The following STK32C variants were observed in gnomAD, a reference collection of about 807,000 sequenced individuals.
STK32C encodes serine/threonine-protein kinase 32C.
Under a neutral mutation model 56.5 loss-of-function variants are expected in STK32C, and 31 were observed. The ratio of observed to expected loss-of-function variants is 0.55; its 90% CI spans 0.41 to 0.74. The LOEUF is 0.74. STK32C is among the 30% of genes least tolerant of loss of function. STK32C has a pLI of 0.00. For synonymous variants in STK32C, 309 were observed against 289.4 expected, an observed-to-expected ratio of 1.07 and a Z score of -0.69; for missense variants, 544 against 676.9, an observed-to-expected ratio of 0.80 and a Z score of 2.18.
At position 132,255,426 on chromosome 10, in the gene STK32C, C is replaced by T. The variant is rs2064080561; in HGVS notation, c.263-9471G>A. Among the ~76,000 whole-genome samples, 1 of 152,186 alleles carries T rather than the reference C, an allele frequency of 6.6e-6. No homozygotes were observed. Among genetic ancestry groups the T allele is most frequent in the African/African-American group, 2.4e-5 (1 of 41,442 alleles). ...AGACATCACCTCACAGACCCCTCAC[C>T]CTCTTGCCATGGCCTGCGGGAACAA... On this transcript the variant is annotated intron_variant, in intron 1 of 11. Coordinates refer to ENST00000298630, the MANE Select transcript of STK32C (RefSeq NM_173575.4). This position sits in a 1 kb window ranked among gnomAD's most constrained non-coding sequence, Gnocchi z 4.6.
In STK32C at chr10:132,222,569, G is replaced by A. The variant is rs2814196; in HGVS notation, c.1251+72C>T. The A allele has an allele frequency of 0.79, 1,242,546 of 1,567,360 alleles. 494,056 individuals carry two copies. The highest frequency in any genetic ancestry group is 0.87 in the Admixed American group (47,512 of 54,418). On this transcript the variant is annotated intron_variant, in intron 10 of 11. Transcript: ENST00000298630. ...TGTGCGCTGCCAGGGGTCCCCACACGCCTTGCTCGGTGGTAGAGAGGAGCC... is the reference window on the plus strand; with the variant it reads ...TGTGCGCTGCCAGGGGTCCCCACACACCTTGCTCGGTGGTAGAGAGGAGCC...
chr10:132,252,459 T>C (rs1240023842), intron 1 of STK32C, among the ~76,000 whole-genome samples: 1 of 152,272 alleles, frequency 6.6e-6, no homozygotes, highest in Non-Finnish European at 1.5e-5. Flanking sequence ...CGCCGTGCAG[T>C]GATGCTGTCA....
At chr10:132,238,781 GCA>G (rs567541137) in intron 2 of STK32C, among the ~76,000 whole-genome samples, 1,596 of 151,894 alleles carry the variant, frequency 0.011, 31 homozygotes, top group African/African-American at 0.036. Flanking sequence ...TGCAATGCAT[GCA>G]CACACACACA....
At chr10:132,320,969 A>C (rs2066395853), downstream of STK32C, among the ~76,000 whole-genome samples, 1 of 152,158 alleles carries the variant, frequency 6.6e-6, no homozygotes, top group Non-Finnish European at 1.5e-5. Flanking sequence ...ATACCCTGCC[A>C]TGGCCTTGGG....
intron 10 of STK32C, among the ~76,000 whole-genome samples, chr10:132,222,323 G>T (rs879395342): frequency 6.6e-6 from 1 of 151,612 alleles, no homozygotes; most frequent in African/African-American, 2.4e-5. Flanking sequence ...CTGGGCGAGT[G>T]TGAGGGCTTC....
upstream of STK32C, among the ~76,000 whole-genome samples, chr10:132,308,638 C>A (rs2066158141): frequency 6.6e-6 from 1 of 152,138 alleles, no homozygotes; most frequent in African/African-American, 2.4e-5. Flanking sequence ...GGCGCTAAGC[C>A]CTGAGCACGT....
rs376671376 is a variant in STK32C, at chr10:132,222,634, C to A, written c.1251+7G>T. 359 of 1,611,774 alleles carry A rather than the reference C, an allele frequency of 2.2e-4. 3 individuals carry two copies. Among genetic ancestry groups the A allele is most frequent in the Middle Eastern group, 6.7e-4 (4 of 5,990 alleles). Reference sequence around the variant, plus strand: ...CCGCCGCGCCCTGAGCCTGCCCTGGCACTCACGGACTGGGAGCTGTCCCTG... The same window carrying A: ...CCGCCGCGCCCTGAGCCTGCCCTGGAACTCACGGACTGGGAGCTGTCCCTG... On this transcript the variant is annotated splice_region_variant and intron_variant, in intron 10 of 11. Transcript: ENST00000298630.
intron 1 of STK32C, among the ~76,000 whole-genome samples, chr10:132,304,281 A>C (rs991760480): frequency 6.6e-6 from 1 of 151,722 alleles, no homozygotes; most frequent in African/African-American, 2.4e-5. Context: ...GGTAAAACTC[A>C]AGAGGGGCTT....
chr10:132,286,984 GA>G (rs1268971268), intron 1 of STK32C, among the ~76,000 whole-genome samples: 46 of 152,298 alleles, frequency 3.0e-4, no homozygotes, highest in Admixed American at 2.9e-3. Context: ...CTAAAAATAT[GA>G]TAATGGAAGT....
intron 10 of STK32C, among the ~76,000 whole-genome samples, chr10:132,216,660 A>G (rs2062481833): frequency 6.6e-6 from 1 of 152,134 alleles, no homozygotes; most frequent in Admixed American, 6.5e-5. Context: ...TTCATGGGCG[A>G]GGTCCAGGGT....
intron 1 of STK32C, among the ~76,000 whole-genome samples, chr10:132,254,438 G>A (rs1031945537): frequency 4.0e-5 from 6 of 151,840 alleles, no homozygotes; most frequent in Non-Finnish European, 5.9e-5. Context: ...GCCGCAGGGC[G>A]CCGGGAATCA....
At chr10:132,260,917 A>G (rs2064281358) in intron 1 of STK32C, among the ~76,000 whole-genome samples, 1 of 152,194 alleles carries the variant, frequency 6.6e-6, no homozygotes, top group Non-Finnish European at 1.5e-5. Context: ...TCCCTCCCAG[A>G]ACCCCGTCAG....
At chr10:132,209,876 C>A (rs1268958827) in intron 10 of STK32C, among the ~76,000 whole-genome samples, 1 of 152,184 alleles carries the variant, frequency 6.6e-6, no homozygotes, top group Non-Finnish European at 1.5e-5. Flanking sequence ...GCCCCCACCT[C>A]CTGCAGCTGA....
intron 1 of STK32C, among the ~76,000 whole-genome samples, chr10:132,266,318 G>A (rs1267588660): frequency 6.6e-6 from 1 of 152,176 alleles, no homozygotes; most frequent in South Asian, 2.1e-4. Flanking sequence ...GTCTCTGGGG[G>A]TAGGAAGGGG....
At chr10:132,330,354 A>T in intron 1 of STK32C, 1 of 685,946 alleles carries the variant, frequency 1.5e-6, no homozygotes. Context: ...TAGAAATAGC[A>T]TCGTGCTGAA....
downstream of STK32C, among the ~76,000 whole-genome samples, chr10:132,320,235 T>C (rs72856785): frequency 0.22 from 33,022 of 151,986 alleles, 3,826 homozygotes; most frequent in East Asian, 0.37. Flanking sequence ...TATGGCTGAA[T>C]GTGTCCTCCA....
intron 1 of STK32C, among the ~76,000 whole-genome samples, chr10:132,275,625 T>TGGCCAGGGGCCAGC (rs1294480076): frequency 1.3e-5 from 2 of 152,176 alleles, no homozygotes; most frequent in African/African-American, 4.8e-5. Flanking sequence ...ACGGGGCCAG[T>TGGCCAGGGGCCAGC]GGCCAGGGGC....
chr10:132,326,736 C>T (rs577787410), intron 1 of STK32C, among the ~76,000 whole-genome samples: 23 of 152,150 alleles, frequency 1.5e-4, no homozygotes, highest in Non-Finnish European at 2.2e-4. Flanking sequence ...CTAGGAAGCG[C>T]GCCCAGTCCT....
In STK32C at chr10:132,207,845, C is replaced by T. The variant is rs185691734; in HGVS notation, c.*165G>A. On this transcript the variant is annotated 3_prime_UTR_variant, in exon 12 of 12. Transcript: ENST00000298630. ...TCCCCTGCACCCACAGCCTCTTGTC[C>T]CCTGCACCACCACGAGCCTGAGGTG... The T allele has an allele frequency of 4.4e-4, 370 of 849,040 alleles. 3 individuals carry two copies. In the African/African-American group the frequency reaches 5.9e-3, roughly 14 times the overall value. The allele number at this position is 849,040 out of a possible 1,614,324, so 52.6% of individuals were successfully genotyped here.
Sources: allele counts gnomAD v4.1 joint callset (sites outside exome capture counted in the v4.1 genomes callset), GRCh38; gene constraint gnomAD v4.1.1; non-coding constraint Gnocchi (gnomAD v3.1); transcripts MANE v1.5; gene names NCBI Gene and HGNC (gene_info 2026-07-23, HGNC 2026-07-21).